HNRNPLL: variants seen among roughly 807,000 people sequenced by gnomAD.
HNRNPLL encodes the protein heterogeneous nuclear ribonucleoprotein L-like.
HNRNPLL carries 25 observed loss-of-function variants against 67.1 expected under a neutral mutation model. The ratio of observed to expected loss-of-function variants is 0.37; its 90% CI spans 0.27 to 0.52. The LOEUF (loss-of-function observed/expected upper bound fraction) is 0.52. HNRNPLL is among the 20% of genes least tolerant of loss of function. The pLI is 0.90. For synonymous variants in HNRNPLL, 267 were observed against 241.7 expected, an observed-to-expected ratio of 1.10 and a Z score of -0.97; for missense variants, 542 against 673.9, an observed-to-expected ratio of 0.80 and a Z score of 2.17.
chr2:38,581,170 A>G (rs1023691183), intron 6 of HNRNPLL: 2 of 152,242 alleles, frequency 1.3e-5, no homozygotes, highest in African/African-American at 4.8e-5. Flanking sequence ...GTTATTTGCC[A>G]ATTAACAATT....
rs1039182639 is a variant in HNRNPLL at position 38,562,491 on chromosome 2, G to A, written c.*1691C>T. ...ATTAATTTTCAGAGGAGGAAGGAACGTAGACAACTATTACATAAACCAAAA... is the reference window on the plus strand; with the variant it reads ...ATTAATTTTCAGAGGAGGAAGGAACATAGACAACTATTACATAAACCAAAA... On this transcript the variant is annotated 3_prime_UTR_variant, in exon 13 of 13. Transcript: ENST00000449105. 9 of 152,084 alleles carry A rather than the reference G, an allele frequency of 5.9e-5. No individual in the cohort carries two copies. Among genetic ancestry groups the A allele is most frequent in the Admixed American group, 3.3e-4 (5 of 15,260 alleles). The allele number at this position is 152,084 out of a possible 1,614,324, so 9.4% of individuals were successfully genotyped here. A position where few individuals can be genotyped will look rare whatever the true frequency, so the allele number is the denominator to read the frequency against.
At chr2:38,595,940 C>T (rs1372780694) in intron 1 of HNRNPLL, among the ~76,000 whole-genome samples, 6 of 152,108 alleles carry the variant, frequency 3.9e-5, no homozygotes, top group Non-Finnish European at 7.4e-5. Context: ...TACCCCTCAC[C>T]CACCTTGTAT....
chr2:38,586,201 TCAGTAGAGA>T (rs1040178044), intron 2 of HNRNPLL, among the ~76,000 whole-genome samples: 7 of 152,142 alleles, frequency 4.6e-5, no homozygotes, highest in Admixed American at 2.0e-4. Flanking sequence ...TTTTATACTT[TCAGTAGAGA>T]CAGGGTTTCC....
At chr2:38,569,076 C>CGTT (rs1665973964) in intron 10 of HNRNPLL, 57 bp downstream of exon 10, 1 of 1,253,988 alleles carries the variant, frequency 8.0e-7, no homozygotes, top group South Asian at 1.2e-5. Flanking sequence ...GAAGCTAAAA[C>CGTT]AGATTTTAAA....
rs374165108 is a variant in HNRNPLL at position 38,585,785 on chromosome 2, G to A, written c.405C>T (p.Pro135=). 3.0e-5 allele frequency: 49 copies of A among 1,613,240 alleles called. No individual in the cohort carries two copies. The highest frequency in any genetic ancestry group is 1.0e-4 in the Admixed American group (6 of 59,982). The change falls in exon 3 of 13, where the codon CCC becomes CCT. Residue 135 remains proline (P), a synonymous_variant. Coordinates refer to ENST00000449105, the MANE Select transcript of HNRNPLL (RefSeq NM_138394.4). ...KECVTFAADE[P]VYIAGQQAFF... ...AAGCCTGTTGACCAGCAATGTACAC[G>A]GGTTCATCTGCAGCAAATGTCACAC... is the stretch of plus-strand genomic sequence containing the variant.
At chr2:38,588,754 A>G (rs145928666) in intron 2 of HNRNPLL, among the ~76,000 whole-genome samples, 225 of 152,280 alleles carry the variant, frequency 1.5e-3, no homozygotes, top group Middle Eastern at 6.8e-3. Context: ...AAACGCACTC[A>G]TATGAAACCA....
chr2:38,570,442 A>C (rs573301863), intron 8 of HNRNPLL, among the ~76,000 whole-genome samples: 46 of 152,328 alleles, frequency 3.0e-4, no homozygotes, highest in African/African-American at 1.1e-3. Context: ...GAATTCTGTT[A>C]ATGCAGTAAA....
chr2:38,566,983 A>G (rs145565190), intron 12 of HNRNPLL, among the ~76,000 whole-genome samples: 3 of 152,348 alleles, frequency 2.0e-5, no homozygotes, highest in East Asian at 1.9e-4. Context: ...TCTTGACTAT[A>G]AATAGCTATC....
At chr2:38,593,129 T>A (rs562444679) in intron 1 of HNRNPLL, among the ~76,000 whole-genome samples, 1 of 152,380 alleles carries the variant, frequency 6.6e-6, no homozygotes, top group Non-Finnish European at 1.5e-5. Flanking sequence ...TTGGAATTTA[T>A]TTGAATTGCT....
chr2:38,597,663 T>C (rs1667252118), intron 1 of HNRNPLL, among the ~76,000 whole-genome samples: 1 of 152,040 alleles, frequency 6.6e-6, no homozygotes, highest in African/African-American at 2.4e-5. Context: ...TGTAAAATTA[T>C]GGCCATATGA....
chr2:38,572,082 C>T (rs531240766), intron 8 of HNRNPLL, among the ~76,000 whole-genome samples: 1 of 152,266 alleles, frequency 6.6e-6, no homozygotes, highest in African/African-American at 2.4e-5. Context: ...CTCCACTTAA[C>T]ACTTGGGCCT....
At chr2:38,583,236 G>C (rs899737253) in intron 4 of HNRNPLL, among the ~76,000 whole-genome samples, 2 of 152,000 alleles carry the variant, frequency 1.3e-5, no homozygotes, top group African/African-American at 4.8e-5. Flanking sequence ...AAAAAACAAA[G>C]ATAAAACATA....
At chr2:38,576,907 G>A (rs562135076) in intron 7 of HNRNPLL, among the ~76,000 whole-genome samples, 1 of 151,960 alleles carries the variant, frequency 6.6e-6, no homozygotes, top group South Asian at 2.1e-4. Flanking sequence ...TCCTGGGGCA[G>A]ATTATTATTC....
intron 12 of HNRNPLL, among the ~76,000 whole-genome samples, chr2:38,566,927 T>G (rs910043275): frequency 6.6e-6 from 1 of 152,006 alleles, no homozygotes; most frequent in Non-Finnish European, 1.5e-5. Flanking sequence ...GCAACCAGAC[T>G]GTTCATCAGT....
At chr2:38,579,556 T>C (rs779716433) in intron 6 of HNRNPLL, among the ~76,000 whole-genome samples, 8 of 152,052 alleles carry the variant, frequency 5.3e-5, no homozygotes, top group Non-Finnish European at 2.9e-5. Flanking sequence ...TAAGCTTTCC[T>C]AGAGTCAAAT....
intron 1 of HNRNPLL, among the ~76,000 whole-genome samples, chr2:38,600,351 A>T (rs1249700985): frequency 6.6e-6 from 1 of 152,194 alleles, no homozygotes; most frequent in Non-Finnish European, 1.5e-5. Context: ...GCTTCGGTTA[A>T]AAAAGGCATG....
At chr2:38,571,434 T>C (rs529142334) in intron 8 of HNRNPLL, among the ~76,000 whole-genome samples, 2 of 152,280 alleles carry the variant, frequency 1.3e-5, no homozygotes, top group African/African-American at 4.8e-5. Context: ...ATTTCCTTCT[T>C]ATCTATTGAC....
At chr2:38,589,067 A>G (rs991948350) in intron 2 of HNRNPLL, among the ~76,000 whole-genome samples, 1 of 152,228 alleles carries the variant, frequency 6.6e-6, no homozygotes, top group Non-Finnish European at 1.5e-5. Context: ...TCATTTCCTA[A>G]TATCTCCTTT....
chr2:38,588,364 ATGGTG>A (rs1371519191), intron 2 of HNRNPLL, among the ~76,000 whole-genome samples: 2 of 151,984 alleles, frequency 1.3e-5, no homozygotes, highest in African/African-American at 4.8e-5. Context: ...CCTGGCCAAG[ATGGTG>A]AAACCCTGTC....
Sources: allele counts gnomAD v4.1 joint callset (sites outside exome capture counted in the v4.1 genomes callset), GRCh38; gene constraint gnomAD v4.1.1; transcripts MANE v1.5; gene names NCBI Gene and HGNC (gene_info 2026-07-23, HGNC 2026-07-21).